Variants in PPFIA4 observed in about 807,000 individuals in gnomAD.
The protein encoded by PPFIA4 is liprin-alpha-4.
PPFIA4 carries 98 observed loss-of-function variants against 145.7 expected under a neutral mutation model. That is an observed-to-expected ratio of 0.67 (90% CI 0.57 to 0.80). The LOEUF is 0.80. PPFIA4 is among the 30% of genes least tolerant of loss of function. The pLI is 0.00. For missense variants in PPFIA4, 1,457 were observed against 1,632.7 expected, an observed-to-expected ratio of 0.89 and a Z score of 1.85; for synonymous variants, 628 against 649.6, an observed-to-expected ratio of 0.97 and a Z score of 0.51.
rs1369398104 is a variant in PPFIA4, at chr1:203,045,560, G to GT, written c.858+2dup. 1.3e-6 allele frequency: 2 copies of GT among 1,580,650 alleles called. No homozygotes were observed. The highest frequency in any genetic ancestry group is 1.7e-6 in the Non-Finnish European group (2 of 1,164,244). On this transcript the variant is annotated splice_donor_variant, in intron 7 of 29. Coordinates refer to ENST00000295706, the MANE Select transcript of PPFIA4 (RefSeq NM_001304331.2). LOFTEE classifies it high-confidence loss of function. ...CAAGCATCAGCGGGACCTCCGGGAG[G>GT]TGCGTGAGGGCGCAGGCCTGCTCTG...
rs1660217482 is a variant in PPFIA4, at chr1:203,048,166, G to A, written c.1141-61G>A. 1.3e-6 allele frequency: 2 copies of A among 1,539,968 alleles called. No homozygotes were observed. ...ACCCTGGCACCAGGGTGCAGGGGAT[G>A]CGGGGCCTGAGCAGGAAGAACAGAG... On this transcript the variant is annotated intron_variant, in intron 9 of 29. Coordinates refer to ENST00000295706, the MANE Select transcript of PPFIA4 (RefSeq NM_001304331.2). The surrounding 1 kb of genome is among the most constrained non-coding windows in gnomAD (Gnocchi z 5.8).
At chr1:203,033,006 G>T (rs1658960085) in intron 1 of PPFIA4, among the ~76,000 whole-genome samples, 1 of 152,168 alleles carries the variant, frequency 6.6e-6, no homozygotes, top group South Asian at 2.1e-4. Context: ...TCAGGCCCAG[G>T]GGAGCCTGTC....
rs1659887678 is a variant in PPFIA4 at position 203,044,029 on chromosome 1, C to T, written c.435C>T (p.Ser145=). 1.9e-6 allele frequency: 3 copies of T among 1,612,408 alleles called. No homozygotes were observed. Among genetic ancestry groups the T allele is most frequent in the South Asian group, 1.1e-5 (1 of 91,054 alleles). Reference sequence around the variant, plus strand: ...AGGCCCAGTCACCTTCGGGGGTCTCCAGTGAGGTGGAGGTGCTGAAGGCCC... The same window carrying T: ...AGGCCCAGTCACCTTCGGGGGTCTCTAGTGAGGTGGAGGTGCTGAAGGCCC... ...KRQAQSPSGV[S]SEVEVLKALK... is the part of the protein sequence containing the mutation. Residue 145 remains serine (S), a synonymous_variant, in exon 4 of 30, where the codon TCC becomes TCT. Transcript: ENST00000295706.
At chr1:203,040,991 G>C (rs946547481) in intron 2 of PPFIA4, among the ~76,000 whole-genome samples, 1 of 152,340 alleles carries the variant, frequency 6.6e-6, no homozygotes, top group Middle Eastern at 3.4e-3. Flanking sequence ...GTGGTTGAAT[G>C]ATGGACTCCC....
rs751154511 is a variant in PPFIA4 at position 203,045,380 on chromosome 1, C to G, written c.679C>G (p.Arg227Gly). 8 of 1,599,044 alleles carry G rather than the reference C, an allele frequency of 5.0e-6. No individual in the cohort carries two copies. Among genetic ancestry groups the G allele is most frequent in the African/African-American group, 4.0e-5 (3 of 74,616 alleles). Residue 227 changes from arginine to glycine, a missense_variant, in exon 7 of 30, where the codon CGG (arginine) becomes GGG (glycine). This residue lies in a region of PPFIA4 where 463 missense variants were observed against 459.8 expected (regional missense o/e 1.01). Transcript: ENST00000295706. ...CCTATCCCTGGAGGAGGATACGGGC[C>G]GGGTAGAGGAGCTGCAGGAGCTCCT... is the stretch of plus-strand genomic sequence containing the variant. ...PKRLWKEDTG[R>G]VEELQELLEK...
chr1:203,041,488 G>A (rs1659691001), intron 2 of PPFIA4, among the ~76,000 whole-genome samples: 2 of 152,160 alleles, frequency 1.3e-5, no homozygotes, highest in Admixed American at 1.3e-4. Context: ...GCTACTCGTG[G>A]GGCTGAGGTG....
At chr1:203,054,765 A>G (rs940468950) in intron 15 of PPFIA4, among the ~76,000 whole-genome samples, 1 of 152,194 alleles carries the variant, frequency 6.6e-6, no homozygotes, top group Non-Finnish European at 1.5e-5. Flanking sequence ...TTATTTTGCA[A>G]AGTAAAACAT....
In PPFIA4 at chr1:203,056,109, C is replaced by G; in HGVS notation, c.2071-11C>G. ...GGTGAGTCTGAGCTTACCCATCCCT[C>G]TCTCTTGCAGCCCAGTGACTTAAGA... On this transcript the variant is annotated splice_polypyrimidine_tract_variant and intron_variant, in intron 16 of 29. Coordinates refer to ENST00000295706, the MANE Select transcript of PPFIA4 (RefSeq NM_001304331.2). 6.2e-7 allele frequency: 1 copy of G among 1,614,010 alleles called. No homozygotes were observed. The highest frequency in any genetic ancestry group is 1.1e-5 in the South Asian group (1 of 91,086).
chr1:203,064,576 G>C (rs1485362254), intron 25 of PPFIA4, among the ~76,000 whole-genome samples: 1 of 152,242 alleles, frequency 6.6e-6, no homozygotes, highest in African/African-American at 2.4e-5. Context: ...CTGGCAGCCT[G>C]TGGGCAGAAT....
At chr1:203,049,999 G>T (rs1660387362) in intron 13 of PPFIA4, among the ~76,000 whole-genome samples, 1 of 152,218 alleles carries the variant, frequency 6.6e-6, no homozygotes. Flanking sequence ...GACAGCCAGT[G>T]CTCTGTCCCC....
chr1:203,038,981 C>T lies in PPFIA4; in HGVS notation c.-28C>T, dbSNP rs183469434. 1.8e-4 allele frequency: 227 copies of T among 1,276,082 alleles called. No individual in the cohort carries two copies. The highest frequency in any genetic ancestry group is 2.1e-4 in the Non-Finnish European group (197 of 920,320). The allele number at this position is 1,276,082 out of a possible 1,614,324, so 79.0% of individuals were successfully genotyped here. On this transcript the variant is annotated 5_prime_UTR_variant, in exon 2 of 30. It adds an upstream start codon to the 5' untranslated region. Transcript: ENST00000295706. ...CTGTGAGTCCCTCCCTGTCCCCTGACGCTGAGAAGGCCCTGCCAACCCCCA... is the reference window on the plus strand; with the variant it reads ...CTGTGAGTCCCTCCCTGTCCCCTGATGCTGAGAAGGCCCTGCCAACCCCCA...
rs527918793 is a variant in PPFIA4 at position 203,075,259 on chromosome 1, A to G, written c.3394-318A>G. Among the ~76,000 whole-genome samples the G allele has an allele frequency of 1.1e-4, 16 of 152,240 alleles. No homozygotes were observed. The East Asian group carries it at 2.7e-3, about 26-fold the overall frequency. ...CCTTGAAAGGTGAATGGTCATGCCAAGCCTACTTTGAGAAGATTGCGGTGG... is the reference window on the plus strand; with the variant it reads ...CCTTGAAAGGTGAATGGTCATGCCAGGCCTACTTTGAGAAGATTGCGGTGG... On this transcript the variant is annotated intron_variant, in intron 28 of 29. Transcript: ENST00000295706. The surrounding 1 kb of genome is among the most constrained non-coding windows in gnomAD (Gnocchi z 4.1).
At chr1:203,062,866 G>C (rs1661489537) in intron 24 of PPFIA4, 1 of 152,190 alleles carries the variant, frequency 6.6e-6, no homozygotes, top group South Asian at 2.1e-4. Context: ...TCAGCATAGT[G>C]GTTCCCTTTT....
intron 1 of PPFIA4, among the ~76,000 whole-genome samples, chr1:203,029,736 G>T (rs112922846): frequency 1.3e-3 from 196 of 152,316 alleles, no homozygotes; most frequent in African/African-American, 4.4e-3. Context: ...CCCTTTGGGG[G>T]CATTAGATTC....
chr1:203,038,456 C>A (rs1659457701), intron 1 of PPFIA4, among the ~76,000 whole-genome samples, 154 bp from the exon 2 acceptor site: 1 of 152,176 alleles, frequency 6.6e-6, no homozygotes, highest in Non-Finnish European at 1.5e-5. Context: ...TAAGGAGGTG[C>A]CATCAGAGTG....
chr1:203,067,313 G>A (rs1281966986), intron 25 of PPFIA4: 9 of 215,606 alleles, frequency 4.2e-5, no homozygotes. Flanking sequence ...CCATTGTAAG[G>A]ACTCCGAGTG....
intron 25 of PPFIA4, among the ~76,000 whole-genome samples, chr1:203,064,772 C>T (rs1222863603): frequency 6.6e-6 from 1 of 152,240 alleles, no homozygotes; most frequent in Non-Finnish European, 1.5e-5. Context: ...GGAGTCCACT[C>T]AGGATGGGTG....
In PPFIA4 at chr1:203,051,466, T is replaced by C. The variant is rs1019692809; in HGVS notation, c.1512-303T>C. The C allele has an allele frequency of 8.1e-5, 54 of 667,480 alleles. No individual in the cohort carries two copies. The Admixed American group carries it at 1.2e-3, about 14-fold the overall frequency. 41.3% of individuals were successfully genotyped at this position (667,480 alleles called of 1,614,324 possible). ...ATACCTCTTTGATGGGGAGCTCAAC[T>C]TTTTAAAAGCCACCAGTTGCATCGT... On this transcript the variant is annotated intron_variant, in intron 13 of 29. Transcript: ENST00000295706.
In PPFIA4 at chr1:203,056,001, C is replaced by T. The variant is rs16850966; in HGVS notation, c.2071-119C>T. The stretch of plus-strand genomic sequence containing the variant: ...TTTTTTTCTGGCGTGATATTCTCTC[C>T]GGGCCTGTGTGAGGCACTGAATCCT... On this transcript the variant is annotated intron_variant, in intron 16 of 29. Coordinates refer to ENST00000295706, the MANE Select transcript of PPFIA4 (RefSeq NM_001304331.2). 8.5e-3 allele frequency: 8,582 copies of T among 1,006,728 alleles called. 519 individuals are homozygous for T. The African/African-American group carries it at 0.13, about 15-fold the overall frequency. 62.4% of individuals were successfully genotyped at this position (1,006,728 alleles called of 1,614,324 possible). A position where few individuals can be genotyped will look rare whatever the true frequency, so the allele number is the denominator to read the frequency against.
Sources: gnomAD v4.1 joint callset for allele counts (sites outside exome capture counted in the v4.1 genomes callset) on GRCh38, gnomAD v4.1.1 for gene constraint, gnomAD v4.1.1 regional missense constraint, Gnocchi (gnomAD v3.1) non-coding constraint, MANE v1.5 for transcripts, NCBI Gene and HGNC (gene_info 2026-07-23, HGNC 2026-07-21) for gene names.